The following ZNF569 variants were observed in gnomAD, a reference collection of about 807,000 sequenced individuals.
ZNF569 encodes the protein DNA-binding protein.
A neutral mutation model predicts 56.3 loss-of-function variants in ZNF569; 38 were observed. That is an observed-to-expected ratio of 0.68 (90% CI 0.52 to 0.88). The LOEUF is 0.88. Among genes scored for constraint, ZNF569 ranks in the 40% least tolerant of loss-of-function variants. ZNF569 has a pLI of 0.00. For synonymous variants in ZNF569, 241 were observed against 262.9 expected (o/e 0.92, Z 0.81); for missense variants, 666 against 809.2 (o/e 0.82, Z 2.15).
rs1189690615 is a variant in ZNF569 at position 37,414,090 on chromosome 19, G to C, written c.568C>G (p.His190Asp). 1 of 1,613,738 alleles carries C rather than the reference G, an allele frequency of 6.2e-7. No individual in the cohort carries two copies. Among genetic ancestry groups the C allele is most frequent in the Admixed American group, 1.7e-5 (1 of 60,004 alleles). Residue 190 changes from histidine to aspartate, a missense_variant, in exon 6 of 6, where the codon CAT becomes GAT. By Grantham distance (81) the His-to-Asp change is moderately conservative. Transcript: ENST00000316950. ...HFVITPFKCN[H>D]CGKGFNQTLD... is the part of the protein sequence containing the mutation. The stretch of plus-strand genomic sequence containing the variant: ...GTCTGATTGAAGCCTTTTCCACAAT[G>C]ATTACACTTAAAGGGGGTAATGACA...
At chr19:37,468,022 C>A, upstream of ZNF569, 1 of 1,215,988 alleles carries the variant, frequency 8.2e-7, no homozygotes, top group Non-Finnish European at 1.2e-6. Flanking sequence ...CTTGGCCTTA[C>A]TAGCTGTGTC....
chr19:37,463,280 C>T (rs1463254107), intron 2 of ZNF569, among the ~76,000 whole-genome samples: 5 of 152,266 alleles, frequency 3.3e-5, no homozygotes, highest in Admixed American at 1.3e-4. Flanking sequence ...ATCACATATA[C>T]AACAGTGGTC....
chr19:37,441,475 T>C (rs901086930), intron 3 of ZNF569, among the ~76,000 whole-genome samples: 5 of 151,890 alleles, frequency 3.3e-5, no homozygotes, highest in African/African-American at 1.2e-4. Context: ...CTGGGCAACA[T>C]AGTGGGACCT....
chr19:37,454,438 C>T (rs1449093852), intron 2 of ZNF569, among the ~76,000 whole-genome samples: 1 of 152,132 alleles, frequency 6.6e-6, no homozygotes, highest in Non-Finnish European at 1.5e-5. Flanking sequence ...CACAAGTGCT[C>T]TTGCCGCTCT....
At chr19:37,439,906 AG>A (rs2041376279) in intron 3 of ZNF569, among the ~76,000 whole-genome samples, 1 of 152,208 alleles carries the variant, frequency 6.6e-6, no homozygotes, top group South Asian at 2.1e-4. Flanking sequence ...ACCAGCAGCT[AG>A]GAAGGATAGT....
At chr19:37,464,857 A>T (rs184260396) in intron 2 of ZNF569, among the ~76,000 whole-genome samples, 1 of 152,304 alleles carries the variant, frequency 6.6e-6, no homozygotes, top group Non-Finnish European at 1.5e-5. Flanking sequence ...CAGAGCAGCC[A>T]AAGCTGTCTT....
chr19:37,441,383 T>G (rs777060732), intron 3 of ZNF569, among the ~76,000 whole-genome samples: 4 of 152,154 alleles, frequency 2.6e-5, no homozygotes, highest in Non-Finnish European at 5.9e-5. Context: ...AGGCTGGGCA[T>G]AGTGGCTCAT....
intron 3 of ZNF569, among the ~76,000 whole-genome samples, chr19:37,436,939 G>A (rs888824397): frequency 1.3e-5 from 2 of 149,046 alleles, no homozygotes; most frequent in African/African-American, 5.0e-5. Context: ...CCAAATAATA[G>A]AGGAAGAGGG....
rs2040852485 is a variant in ZNF569, at chr19:37,412,396, T to C, written c.*201A>G. The C allele has an allele frequency of 1.2e-6, 1 of 858,954 alleles. No individual in the cohort carries two copies. The highest frequency in any genetic ancestry group is 1.6e-6 in the Non-Finnish European group (1 of 629,766). 53.2% of individuals were successfully genotyped at this position (858,954 alleles called of 1,614,324 possible). A position where few individuals can be genotyped will look rare whatever the true frequency, so the allele number is the denominator to read the frequency against. On this transcript the variant is annotated 3_prime_UTR_variant, in exon 6 of 6. Coordinates refer to ENST00000316950, the MANE Select transcript of ZNF569 (RefSeq NM_152484.3). ...GATTAAATATTATCAATAAGATGTC[T>C]GCTGAAAGTTTCTGGTAACAGCTTT...
At position 37,412,064 on chromosome 19, in the gene ZNF569, A is replaced by G. The variant is rs571261268; in HGVS notation, c.*533T>C. ...CTGATGTAAACTTCAGAAGTATATT[A>G]AACTTAGTGATTTGGGAGAGAAATT... is the stretch of plus-strand genomic sequence containing the variant. On this transcript the variant is annotated 3_prime_UTR_variant, in exon 6 of 6. Transcript: ENST00000316950. 3 of 152,304 alleles carry G rather than the reference A, an allele frequency of 2.0e-5. No individual in the cohort carries two copies. Among genetic ancestry groups the G allele is most frequent in the African/African-American group, 7.2e-5 (3 of 41,560 alleles). The allele number at this position is 152,304 out of a possible 1,614,324, so 9.4% of individuals were successfully genotyped here. A position where few individuals can be genotyped will look rare whatever the true frequency, so the allele number is the denominator to read the frequency against.
chr19:37,426,292 C>G lies in ZNF569; in HGVS notation c.102G>C (p.Arg34=), dbSNP rs1205516442. 6.2e-7 allele frequency: 1 copy of G among 1,613,608 alleles called. No homozygotes were observed. Among genetic ancestry groups the G allele is most frequent in the Non-Finnish European group, 8.5e-7 (1 of 1,179,880 alleles). ...TGTTATAGTTTTCTAGCATCACATT[C>G]CGGTACAGTTTTCTCTGAGCAGGAT... ...RLDPAQRKLY[R]NVMLENYNNL... The change falls in exon 4 of 6, where the codon CGG becomes CGC. Residue 34 remains arginine, a synonymous_variant. Transcript: ENST00000316950.
At chr19:37,424,571 T>C (rs2041092469) in intron 5 of ZNF569, among the ~76,000 whole-genome samples, 1 of 152,020 alleles carries the variant, frequency 6.6e-6, no homozygotes, top group Non-Finnish European at 1.5e-5. Context: ...CTCAGCACTT[T>C]GGGAGGCTGA....
chr19:37,456,343 C>T (rs988062416), intron 2 of ZNF569, among the ~76,000 whole-genome samples: 3 of 152,098 alleles, frequency 2.0e-5, no homozygotes, highest in African/African-American at 7.2e-5. Context: ...TTTTCTTGCA[C>T]GTTTTTGTTT....
chr19:37,431,401 T>C (rs1034088352), intron 3 of ZNF569, among the ~76,000 whole-genome samples: 2 of 152,092 alleles, frequency 1.3e-5, no homozygotes, highest in African/African-American at 4.8e-5. Flanking sequence ...CCCCATTCCA[T>C]GCGCTAGCTC....
chr19:37,454,975 A>G, intron 2 of ZNF569: 1 of 645,984 alleles, frequency 1.5e-6, no homozygotes, highest in Non-Finnish European at 2.8e-6. Context: ...TCCTAGAAAA[A>G]TTATTTTGTA....
In ZNF569 at chr19:37,425,889, C is replaced by G; in HGVS notation, c.217G>C (p.Val73Leu). The change falls in exon 5 of 6, where the codon GTA (valine) becomes CTA (leucine). Residue 73 changes from valine (V) to leucine (L), a missense_variant. Coordinates refer to ENST00000316950, the MANE Select transcript of ZNF569 (RefSeq NM_152484.3). Reference protein sequence around the residue: ...EEEPWVMEEEVLRRHWQGEIW... With the variant: ...EEEPWVMEEELLRRHWQGEIW... ...TAACCTTGCCAGTGTCTCCTTAATA[C>G]TTCTTCCTCCATCACCCATGGTTCT... 4 of 1,613,938 alleles carry G rather than the reference C, an allele frequency of 2.5e-6. No individual in the cohort carries two copies. The highest frequency in any genetic ancestry group is 3.4e-6 in the Non-Finnish European group (4 of 1,179,888).
At chr19:37,469,105 T>C (rs1270637330), upstream of ZNF569, 3 of 1,049,060 alleles carry the variant, frequency 2.9e-6, no homozygotes, top group African/African-American at 1.7e-5. Flanking sequence ...GCCCCGTCCC[T>C]GTGACCGGGC....
At chr19:37,427,743 T>G in intron 3 of ZNF569, 1 of 501,562 alleles carries the variant, frequency 2.0e-6, no homozygotes, top group Non-Finnish European at 4.0e-6. Context: ...AAAGGCAAAG[T>G]GTCAGAGGAA....
chr19:37,413,012 G>A lies in ZNF569; in HGVS notation c.1646C>T (p.Pro549Leu), dbSNP rs757231883. 1.9e-6 allele frequency: 3 copies of A among 1,613,726 alleles called. No homozygotes were observed. The Admixed American group carries it at 5.0e-5, about 27-fold the overall frequency. The change falls in exon 6 of 6, where the codon CCT becomes CTT. Residue 549 changes from proline (P) to leucine (L), a missense_variant. Coordinates refer to ENST00000316950, the MANE Select transcript of ZNF569 (RefSeq NM_152484.3). ...TTTACCACATTTATCACATTCATAA[G>A]GCTTTTCCCCTGTATGACTTCTCAA... ...LHLRSHTGEK[P>L]YECDKCGKAF...
Sources: gnomAD v4.1 joint callset for allele counts (sites outside exome capture counted in the v4.1 genomes callset) on GRCh38, gnomAD v4.1.1 for gene constraint, MANE v1.5 for transcripts, NCBI Gene and HGNC (gene_info 2026-07-23, HGNC 2026-07-21) for gene names.